CYP46A1: variants seen among roughly 807,000 people sequenced by gnomAD.
The protein encoded by CYP46A1 is cytochrome P450 family 46 subfamily A member 1, also known as cholesterol 24-hydroxylase.
In CYP46A1, 20 loss-of-function variants were observed where a neutral mutation model predicts 63.3. The observed-to-expected ratio is 0.32, with a 90% CI of 0.22 to 0.46. The LOEUF (loss-of-function observed/expected upper bound fraction) is 0.46, where lower values mean the gene tolerates loss of function less well. Ranked by LOEUF, CYP46A1 falls within the 20% of genes least tolerant of loss-of-function variation. The probability of loss-of-function intolerance (pLI) is 1.00; values close to 1 mark genes in which losing one functional copy is unlikely to be tolerated. For missense variants in CYP46A1, 445 were observed against 670.8 expected (o/e 0.66, Z 3.72); for synonymous variants, 268 against 273.6 (o/e 0.98, Z 0.20).
At chr14:99,699,397 G>A in intron 3 of CYP46A1, 69 bp from the exon 4 acceptor site, 4 of 1,446,248 alleles carry the variant, frequency 2.8e-6, no homozygotes, top group Non-Finnish European at 3.9e-6. Flanking sequence ...TTTGGGGCAT[G>A]TCTCAGAAGA....
rs749061350 is a variant in CYP46A1, at chr14:99,726,628, C to T, written c.1404C>T (p.Phe468=). 3.6e-5 allele frequency: 57 copies of T among 1,565,982 alleles called. No individual in the cohort carries two copies. Among genetic ancestry groups the T allele is most frequent in the Admixed American group, 1.1e-4 (6 of 52,436 alleles). The change falls in exon 15 of 15, where the codon TTC becomes TTT. Residue 468 remains phenylalanine (F), a synonymous_variant. Coordinates refer to ENST00000261835, the MANE Select transcript of CYP46A1 (RefSeq NM_006668.2). ...LEFRLVPGQR[F]GLQEQATLKP... ...TCCGGCTGGTGCCCGGGCAGCGCTT[C>T]GGGCTGCAGGAGCAGGCCACACTCA...
At chr14:99,693,678 G>A (rs192726445) in intron 3 of CYP46A1, 2 of 152,262 alleles carry the variant, frequency 1.3e-5, no homozygotes, top group African/African-American at 4.8e-5. Context: ...AAGTTTGTAT[G>A]GGAGTGATGT....
rs981708124 is a variant in CYP46A1, at chr14:99,725,277, G to T, written c.1177-114G>T. ...TAGATGAGGGGTGAAGACATGGGGG[G>T]AGGAGAGTGGGACCCACTCTGCTCT... On this transcript the variant is annotated intron_variant, in intron 12 of 14. Transcript: ENST00000261835. This position sits in a 1 kb window ranked among gnomAD's most constrained non-coding sequence, Gnocchi z 4.2. 1.3e-6 allele frequency: 1 copy of T among 746,268 alleles called. No homozygotes were observed. The highest frequency in any genetic ancestry group is 2.1e-5 in the Admixed American group (1 of 47,392). The allele number at this position is 746,268 out of a possible 1,614,324, so 46.2% of individuals were successfully genotyped here. A position where few individuals can be genotyped will look rare whatever the true frequency, so the allele number is the denominator to read the frequency against.
intron 3 of CYP46A1, among the ~76,000 whole-genome samples, chr14:99,697,583 G>T (rs1161435925): frequency 6.6e-6 from 1 of 152,204 alleles, no homozygotes; most frequent in Non-Finnish European, 1.5e-5. Context: ...TGCACTGCCT[G>T]TTGTCCAGTG....
intron 5 of CYP46A1, chr14:99,705,903 T>C (rs1044416135): frequency 1.3e-5 from 2 of 152,256 alleles, no homozygotes; most frequent in Non-Finnish European, 2.9e-5. Flanking sequence ...CCAACCTGCA[T>C]GACAGAGCAA....
At chr14:99,721,907 T>A in intron 11 of CYP46A1, 49 bp from the exon 12 acceptor site, 1 of 1,499,898 alleles carries the variant, frequency 6.7e-7, no homozygotes. Context: ...CGGCATGATC[T>A]GTGGCCTCTC....
chr14:99,719,208 C>A (rs1370055332), intron 10 of CYP46A1, among the ~76,000 whole-genome samples: 1 of 151,880 alleles, frequency 6.6e-6, no homozygotes. Context: ...GAATGTCATC[C>A]CCCTCCACTA....
At chr14:99,697,607 A>G (rs191880722) in intron 3 of CYP46A1, among the ~76,000 whole-genome samples, 1 of 152,256 alleles carries the variant, frequency 6.6e-6, no homozygotes, top group East Asian at 1.9e-4. Context: ...GAAAGTAGAC[A>G]TTTCATACAT....
chr14:99,687,166 G>A (rs765780934), intron 1 of CYP46A1, among the ~76,000 whole-genome samples: 5 of 152,106 alleles, frequency 3.3e-5, no homozygotes, highest in Non-Finnish European at 7.3e-5. Flanking sequence ...CTACTGCACC[G>A]ATCCGTGTAA....
At position 99,722,902 on chromosome 14, in the gene CYP46A1, A is replaced by G; in HGVS notation, c.1176+836A>G. 1 of 454,372 alleles carries G rather than the reference A, an allele frequency of 2.2e-6. No individual in the cohort carries two copies. The highest frequency in any genetic ancestry group is 4.4e-6 in the Non-Finnish European group (1 of 225,428). The allele number at this position is 454,372 out of a possible 1,614,324, so 28.1% of individuals were successfully genotyped here. A position where few individuals can be genotyped will look rare whatever the true frequency, so the allele number is the denominator to read the frequency against. ...CATGTCCAGGAACAGTGTGCAAGCC[A>G]GCTCCTCGGACATTTACCCAGAAGT... On this transcript the variant is annotated intron_variant, in intron 12 of 14. Coordinates refer to ENST00000261835, the MANE Select transcript of CYP46A1 (RefSeq NM_006668.2). The surrounding 1 kb of genome is among the most constrained non-coding windows in gnomAD (Gnocchi z 4.6).
Position 99,719,567 on chromosome 14 carries a change from G to A in CYP46A1, c.980+1441G>A, listed in dbSNP as rs531855691. Among the ~76,000 whole-genome samples, 8 of 151,766 alleles carry A rather than the reference G, an allele frequency of 5.3e-5. No homozygotes were observed. In the South Asian group the frequency reaches 1.0e-3, roughly 20 times the overall value. On this transcript the variant is annotated intron_variant, in intron 10 of 14. Coordinates refer to ENST00000261835, the MANE Select transcript of CYP46A1 (RefSeq NM_006668.2). ...ATCTTCCCAAACTGAAAATCTGTCC[G>A]TTCTCGCCTCCCCATCCCTGGTAAC...
In CYP46A1 at chr14:99,718,081, C is replaced by T. The variant is rs765509152; in HGVS notation, c.935C>T (p.Ala312Val). ...AGHETSANHL[A>V]FTVMELSRQP... ...CACGAGACCTCTGCCAACCACTTGG[C>T]GTTCACAGTGATGGAGCTGTCTCGC... is the stretch of plus-strand genomic sequence containing the variant. The change falls in exon 10 of 15, where the codon GCG becomes GTG. Residue 312 changes from alanine to valine, a missense_variant. This residue lies in a region of CYP46A1 where 13 missense variants were observed against 50.5 expected (regional missense o/e 0.26). Coordinates refer to ENST00000261835, the MANE Select transcript of CYP46A1 (RefSeq NM_006668.2). 3.1e-6 allele frequency: 5 copies of T among 1,614,012 alleles called. No individual in the cohort carries two copies. The highest frequency in any genetic ancestry group is 2.7e-5 in the African/African-American group (2 of 74,942).
intron 1 of CYP46A1, among the ~76,000 whole-genome samples, chr14:99,685,094 C>G (rs1470330362): frequency 1.2e-4 from 5 of 41,190 alleles, no homozygotes; most frequent in Admixed American, 2.8e-4. Flanking sequence ...GCCAACCCCC[C>G]CCCACCCCCA....
At chr14:99,699,410 A>G in intron 3 of CYP46A1, 56 bp from the exon 4 acceptor site, 12 of 1,531,366 alleles carry the variant, frequency 7.8e-6, no homozygotes, top group Non-Finnish European at 1.1e-5. Context: ...TCAGAAGAGC[A>G]TCTTGCAGCT....
intron 10 of CYP46A1, among the ~76,000 whole-genome samples, chr14:99,720,922 TAAAAATAC>T (rs970588902): frequency 6.6e-6 from 1 of 151,882 alleles, no homozygotes; most frequent in Admixed American, 6.6e-5. Context: ...CTGTCTCTAC[TAAAAATAC>T]AAAAATTAGC....
At chr14:99,717,196 T>C (rs1173236334) in intron 9 of CYP46A1, among the ~76,000 whole-genome samples, 2 of 152,046 alleles carry the variant, frequency 1.3e-5, no homozygotes, top group African/African-American at 4.8e-5. Flanking sequence ...ATCTGTAAAA[T>C]GGGGGCCTTG....
At chr14:99,688,523 G>A (rs2056515221) in intron 1 of CYP46A1, among the ~76,000 whole-genome samples, 1 of 152,134 alleles carries the variant, frequency 6.6e-6, no homozygotes, top group South Asian at 2.1e-4. Flanking sequence ...TTCCGGGAGG[G>A]TAGCCCAGGC....
chr14:99,714,421 AATATAGAATCAAC>A (rs1201617398), intron 7 of CYP46A1, among the ~76,000 whole-genome samples: 2 of 152,210 alleles, frequency 1.3e-5, no homozygotes, highest in Non-Finnish European at 2.9e-5. Context: ...CAATAGCCAA[AATATAGAATCAAC>A]CTAAGCATCC....
intron 1 of CYP46A1, among the ~76,000 whole-genome samples, chr14:99,689,839 C>A (rs573425057): frequency 2.6e-5 from 4 of 152,290 alleles, no homozygotes; most frequent in South Asian, 4.1e-4. Flanking sequence ...TGCACTGCTG[C>A]AAAACAATCC....
Sources: gnomAD v4.1 joint callset for allele counts (sites outside exome capture counted in the v4.1 genomes callset) on GRCh38, gnomAD v4.1.1 for gene constraint, gnomAD v4.1.1 regional missense constraint, Gnocchi (gnomAD v3.1) non-coding constraint, MANE v1.5 for transcripts, NCBI Gene and HGNC (gene_info 2026-07-23, HGNC 2026-07-21) for gene names.